Variants in EML6 observed in about 807,000 individuals in gnomAD.
EML6 encodes the protein EMAP like 6, also known as echinoderm microtubule-associated protein-like 6.
In EML6, 154 loss-of-function variants were observed where a neutral mutation model predicts 240.1. The observed-to-expected ratio is 0.64, with a 90% CI of 0.56 to 0.73. The LOEUF is 0.73. Ranked by LOEUF, EML6 falls within the 30% of genes least tolerant of loss-of-function variation. EML6 has a pLI of 0.00. For missense variants in EML6, 2,964 were observed against 2,474.6 expected (o/e 1.20, Z -4.20); for synonymous variants, 1,148 against 899.0 (o/e 1.28, Z -4.95).
In EML6 at chr2:54,894,908, T is replaced by A; in HGVS notation, c.2743-7T>A. 4 of 1,547,888 alleles carry A rather than the reference T, an allele frequency of 2.6e-6. No individual in the cohort carries two copies. The highest frequency in any genetic ancestry group is 3.5e-6 in the Non-Finnish European group (4 of 1,143,678). ...GTATATAATACCTCTCATGTGTGCC[T>A]TCACAGGGCTTTGTAACAGGTGGAA... On this transcript the variant is annotated splice_region_variant and splice_polypyrimidine_tract_variant and intron_variant, in intron 19 of 41. Coordinates refer to ENST00000356458, the MANE Select transcript of EML6 (RefSeq NM_001039753.4).
In EML6 at chr2:54,888,608, A is replaced by G. The variant is rs375567363; in HGVS notation, c.2439-2446A>G. 6.6e-5 allele frequency among the ~76,000 whole-genome samples: 10 copies of G among 152,112 alleles called. No individual in the cohort carries two copies. In the East Asian group the frequency reaches 1.7e-3, roughly 26 times the overall value. On this transcript the variant is annotated intron_variant, in intron 17 of 41. Transcript: ENST00000356458. ...TTTTCCAGAATGTCATATAATTGGAACTATATAGTATGTAGTCTTTTCTGA... is the reference window on the plus strand; with the variant it reads ...TTTTCCAGAATGTCATATAATTGGAGCTATATAGTATGTAGTCTTTTCTGA...
intron 2 of EML6, among the ~76,000 whole-genome samples, chr2:54,777,100 C>T (rs1322461539): frequency 6.6e-6 from 1 of 152,214 alleles, no homozygotes; most frequent in African/African-American, 2.4e-5. Flanking sequence ...TCCACATCGC[C>T]CTGTGAGGCC....
At chr2:54,858,178 C>T (rs930122432) in intron 11 of EML6, among the ~76,000 whole-genome samples, 1 of 152,172 alleles carries the variant, frequency 6.6e-6, no homozygotes, top group Non-Finnish European at 1.5e-5. Context: ...GGCAGGAGGC[C>T]TCAGTTCCTG....
chr2:54,970,489 C>T lies in EML6; in HGVS notation c.*394C>T. 1 of 209,366 alleles carries T rather than the reference C, an allele frequency of 4.8e-6. No homozygotes were observed. Among genetic ancestry groups the T allele is most frequent in the Non-Finnish European group, 9.8e-6 (1 of 101,712 alleles). The allele number at this position is 209,366 out of a possible 1,614,324, so 13.0% of individuals were successfully genotyped here. A position where few individuals can be genotyped will look rare whatever the true frequency, so the allele number is the denominator to read the frequency against. On this transcript the variant is annotated 3_prime_UTR_variant, in exon 42 of 42. Coordinates refer to ENST00000356458, the MANE Select transcript of EML6 (RefSeq NM_001039753.4). Reference sequence around the variant, plus strand: ...TTACAAAGATGTTTTGCTATTGTTTCTATATACTTCAAGAATGTTCATTTT... The same window carrying T: ...TTACAAAGATGTTTTGCTATTGTTTTTATATACTTCAAGAATGTTCATTTT...
At chr2:54,846,652 T>A (rs1361211122) in intron 8 of EML6, among the ~76,000 whole-genome samples, 1 of 151,936 alleles carries the variant, frequency 6.6e-6, no homozygotes, top group Non-Finnish European at 1.5e-5. Flanking sequence ...CCCAGCTATT[T>A]TTAAAATCTT....
At chr2:54,906,196 G>A (rs1377976357) in intron 24 of EML6, among the ~76,000 whole-genome samples, 2 of 152,160 alleles carry the variant, frequency 1.3e-5, no homozygotes, top group African/African-American at 4.8e-5. Flanking sequence ...CTTATTTTAT[G>A]TGTTTATTTT....
chr2:54,793,290 G>T (rs76643523), intron 2 of EML6, among the ~76,000 whole-genome samples: 1 of 151,074 alleles, frequency 6.6e-6, no homozygotes, highest in South Asian at 2.1e-4. Flanking sequence ...ATCTTTCAGC[G>T]TTTGCAGGGC....
intron 25 of EML6, among the ~76,000 whole-genome samples, chr2:54,913,270 A>G (rs1230894047): frequency 2.0e-5 from 3 of 149,386 alleles, no homozygotes; most frequent in African/African-American, 7.4e-5. Flanking sequence ...ACCCTTTTCT[A>G]AGGGTCTTGC....
intron 21 of EML6, among the ~76,000 whole-genome samples, chr2:54,896,517 G>A (rs1021169438): frequency 2.0e-5 from 3 of 152,306 alleles, no homozygotes; most frequent in South Asian, 2.1e-4. Context: ...GTGGAGGTGC[G>A]TTAGGTAGTC....
chr2:54,786,800 C>G (rs1669119022), intron 2 of EML6, among the ~76,000 whole-genome samples: 1 of 152,242 alleles, frequency 6.6e-6, no homozygotes. Flanking sequence ...GTAATGTTCT[C>G]CCCTTTCCTC....
At chr2:54,915,087 A>G (rs915758144) in intron 25 of EML6, among the ~76,000 whole-genome samples, 3 of 152,196 alleles carry the variant, frequency 2.0e-5, no homozygotes, top group African/African-American at 7.2e-5. Flanking sequence ...CTCTCCTTCC[A>G]TCTTAGTTCC....
chr2:54,899,721 A>G lies in EML6; in HGVS notation c.3063A>G (p.Thr1021=). 1.3e-6 allele frequency: 2 copies of G among 1,552,124 alleles called. No individual in the cohort carries two copies. Among genetic ancestry groups the G allele is most frequent in the Non-Finnish European group, 1.7e-6 (2 of 1,147,190 alleles). The change falls in exon 22 of 42, where the codon ACA becomes ACG. Residue 1021 remains threonine, a synonymous_variant. Coordinates refer to ENST00000356458, the MANE Select transcript of EML6 (RefSeq NM_001039753.4). ...PICATVSDDK[T]LRIWELSAQH... ...GTGCAACAGTGAGCGATGATAAAACACTTCGCATCTGGGAACTATCTGCCC... is the reference window on the plus strand; with the variant it reads ...GTGCAACAGTGAGCGATGATAAAACGCTTCGCATCTGGGAACTATCTGCCC...
intron 2 of EML6, among the ~76,000 whole-genome samples, chr2:54,789,129 G>C (rs1669253910): frequency 6.6e-6 from 1 of 152,096 alleles, no homozygotes; most frequent in Admixed American, 6.5e-5. Flanking sequence ...CCAATAAATA[G>C]CTTCTGGAAG....
intron 17 of EML6, among the ~76,000 whole-genome samples, chr2:54,890,165 A>G (rs78935187): frequency 0.022 from 3,329 of 152,276 alleles, 112 homozygotes; most frequent in African/African-American, 0.072. Context: ...TTCTCTTTAC[A>G]TCTATTAATA....
chr2:54,861,000 C>T (rs967152119), intron 12 of EML6, among the ~76,000 whole-genome samples: 1 of 152,204 alleles, frequency 6.6e-6, no homozygotes, highest in Non-Finnish European at 1.5e-5. Context: ...GGAGTGACAT[C>T]CCCTTGGAGC....
chr2:54,727,824 A>G (rs1682977782), intron 2 of EML6, among the ~76,000 whole-genome samples: 1 of 152,210 alleles, frequency 6.6e-6, no homozygotes, highest in Non-Finnish European at 1.5e-5. Context: ...CTGTTTTGCC[A>G]AGAATATTAA....
At chr2:54,895,230 G>C (rs952121570) in intron 20 of EML6, 43 bp from the exon 21 acceptor site, 1 of 1,547,582 alleles carries the variant, frequency 6.5e-7, no homozygotes, top group Middle Eastern at 1.7e-4. Flanking sequence ...CTAATAAGCA[G>C]TTGTTTTTGT....
At chr2:54,934,556 A>C (rs2104418197) in intron 28 of EML6, among the ~76,000 whole-genome samples, 1 of 151,988 alleles carries the variant, frequency 6.6e-6, no homozygotes, top group East Asian at 1.9e-4. Context: ...ATATATATTT[A>C]TATTTATATT....
At chr2:54,844,620 C>T (rs561215441) in intron 8 of EML6, among the ~76,000 whole-genome samples, 17 of 152,200 alleles carry the variant, frequency 1.1e-4, no homozygotes, top group Non-Finnish European at 2.2e-4. Context: ...TTGTTAAAGG[C>T]TCTCTCATTC....
Sources: gnomAD v4.1 joint callset for allele counts (sites outside exome capture counted in the v4.1 genomes callset) on GRCh38, gnomAD v4.1.1 for gene constraint, MANE v1.5 for transcripts, NCBI Gene and HGNC (gene_info 2026-07-23, HGNC 2026-07-21) for gene names.